CHAF1B: variants seen among roughly 807,000 people sequenced by gnomAD.
CHAF1B encodes chromatin assembly factor 1 subunit B, also known as CAF-1 subunit B.
Under a neutral mutation model 60.7 loss-of-function variants are expected in CHAF1B, and 10 were observed. The ratio of observed to expected loss-of-function variants is 0.16; its 90% CI spans 0.10 to 0.28. The LOEUF (loss-of-function observed/expected upper bound fraction) is 0.28, where lower values mean the gene tolerates loss of function less well. Among genes scored for constraint, CHAF1B ranks in the 10% least tolerant of loss-of-function variants. The pLI is 1.00. For synonymous variants in CHAF1B, 261 were observed against 266.1 expected, an observed-to-expected ratio of 0.98 and a Z score of 0.19; for missense variants, 558 against 708.4, an observed-to-expected ratio of 0.79 and a Z score of 2.41.
At chr21:36,394,435 C>T in intron 4 of CHAF1B, 112 bp from the exon 5 acceptor site, 1 of 714,290 alleles carries the variant, frequency 1.4e-6, no homozygotes, top group South Asian at 1.7e-5. Flanking sequence ...GCCTTGAACT[C>T]CTGACCACAG....
intron 12 of CHAF1B, among the ~76,000 whole-genome samples, chr21:36,413,919 G>T (rs2086298021): frequency 6.6e-6 from 1 of 152,200 alleles, no homozygotes; most frequent in South Asian, 2.1e-4. Flanking sequence ...TGCCCAGGAT[G>T]TAGGCAATTC....
rs372818231 is a variant in CHAF1B, at chr21:36,387,820, CTTT to C, written c.259+103_259+105del. 3,863 of 1,116,970 alleles carry C rather than the reference CTTT, an allele frequency of 3.5e-3. 2 individuals carry two copies. Among genetic ancestry groups the C allele is most frequent in the African/African-American group, 0.012 (703 of 60,288 alleles). The allele number at this position is 1,116,970 out of a possible 1,614,324, so 69.2% of individuals were successfully genotyped here. On this transcript the variant is annotated intron_variant, in intron 3 of 13. Transcript: ENST00000314103. ...GATAGTGAGATTTGAGCTGGATATGCTTTTTTTTTTTTTTTGAGATAGAGTTTC... is the reference window on the plus strand; with the variant it reads ...GATAGTGAGATTTGAGCTGGATATGCTTTTTTTTTTTTGAGATAGAGTTTC...
At chr21:36,410,388 C>T (rs546712986) in intron 10 of CHAF1B, among the ~76,000 whole-genome samples, 1 of 152,208 alleles carries the variant, frequency 6.6e-6, no homozygotes, top group Non-Finnish European at 1.5e-5. Flanking sequence ...ATTCCCTTCT[C>T]TTATTCAAAT....
At chr21:36,408,913 G>A in intron 9 of CHAF1B, 83 bp downstream of exon 9, 1 of 957,612 alleles carries the variant, frequency 1.0e-6, no homozygotes, top group South Asian at 1.4e-5. Flanking sequence ...GGAGTGCAAT[G>A]GTGCGATCTC....
chr21:36,393,101 A>G (rs1212347100), intron 4 of CHAF1B, among the ~76,000 whole-genome samples: 2 of 152,210 alleles, frequency 1.3e-5, no homozygotes, highest in Non-Finnish European at 2.9e-5. Flanking sequence ...AATCCCAGGC[A>G]CTCGGCAGGC....
intron 8 of CHAF1B, among the ~76,000 whole-genome samples, chr21:36,405,416 G>C (rs2086230270): frequency 6.6e-6 from 1 of 151,944 alleles, no homozygotes; most frequent in African/African-American, 2.4e-5. Context: ...AAAATACATA[G>C]AGTAAATTTA....
In CHAF1B at chr21:36,402,807, G is replaced by A. The variant is rs2086202048; in HGVS notation, c.713G>A (p.Arg238His). The A allele has an allele frequency of 6.2e-7, 1 of 1,614,032 alleles. No individual in the cohort carries two copies. The highest frequency in any genetic ancestry group is 8.5e-7 in the Non-Finnish European group (1 of 1,179,956). The change falls in exon 8 of 14, where the codon CGT (arginine) becomes CAT (histidine). Residue 238 changes from arginine (R) to histidine (H), a missense_variant. Arg to His is a conservative substitution (Grantham distance 29). Transcript: ENST00000314103. Reference protein sequence around the residue: ...FHDDSMKSFFRRLSFTPDGSL... With the variant: ...FHDDSMKSFFHRLSFTPDGSL... Reference sequence around the variant, plus strand: ...GACGACAGCATGAAGTCTTTCTTCCGTAGACTGAGTTTCACTCCCGACGGA... The same window carrying A: ...GACGACAGCATGAAGTCTTTCTTCCATAGACTGAGTTTCACTCCCGACGGA...
intron 8 of CHAF1B, among the ~76,000 whole-genome samples, chr21:36,406,831 A>G (rs2086241513): frequency 6.6e-6 from 1 of 152,206 alleles, no homozygotes; most frequent in Non-Finnish European, 1.5e-5. Flanking sequence ...GGACTCTATT[A>G]TTGAATGAGT....
chr21:36,389,800 T>TGTGTGTGTGTGTGTGTGTGTGCGCGC, intron 3 of CHAF1B, among the ~76,000 whole-genome samples: 1 of 124,744 alleles, frequency 8.0e-6, no homozygotes, highest in Non-Finnish European at 1.6e-5. Flanking sequence ...TGTGTGTGTG[T>TGTGTGTGTGTGTGTGTGTGTGCGCGC]GCGCGCGCAC....
intron 6 of CHAF1B, among the ~76,000 whole-genome samples, chr21:36,398,939 T>C (rs1039293118): frequency 6.6e-6 from 1 of 152,224 alleles, no homozygotes; most frequent in Non-Finnish European, 1.5e-5. Context: ...TCTTCTGTTG[T>C]ATTCTAAATG....
At position 36,388,103 on chromosome 21, in the gene CHAF1B, G is replaced by T. The variant is rs375670846; in HGVS notation, c.259+373G>T. On this transcript the variant is annotated intron_variant, in intron 3 of 13. Coordinates refer to ENST00000314103, the MANE Select transcript of CHAF1B (RefSeq NM_005441.3). ...CTCCCAAAGTGTTGGGATTACAGGCGTGAGCCACTGCGCCCGGCCTGGATA... is the reference window on the plus strand; with the variant it reads ...CTCCCAAAGTGTTGGGATTACAGGCTTGAGCCACTGCGCCCGGCCTGGATA... Among the ~76,000 whole-genome samples the T allele has an allele frequency of 7.4e-4, 112 of 152,292 alleles. 1 individual carries two copies. The highest frequency in any genetic ancestry group is 2.6e-3 in the African/African-American group (107 of 41,556).
At chr21:36,391,234 A>G (rs778137838) in intron 3 of CHAF1B, among the ~76,000 whole-genome samples, 4 of 152,080 alleles carry the variant, frequency 2.6e-5, no homozygotes, top group Non-Finnish European at 4.4e-5. Flanking sequence ...TCAGAAGGCA[A>G]TTTGCCTACT....
chr21:36,411,610 T>C lies in CHAF1B; in HGVS notation c.1061+6T>C. 6.2e-7 allele frequency: 1 copy of C among 1,613,874 alleles called. No homozygotes were observed. Among genetic ancestry groups the C allele is most frequent in the South Asian group, 1.1e-5 (1 of 91,058 alleles). On this transcript the variant is annotated splice_donor_region_variant and intron_variant, in intron 11 of 13. Coordinates refer to ENST00000314103, the MANE Select transcript of CHAF1B (RefSeq NM_005441.3). ...ACCCTCAGTGACATTTCATGGTGAGTGGCTGCTAATGAGGGAGAGTGAGTG... is the reference window on the plus strand; with the variant it reads ...ACCCTCAGTGACATTTCATGGTGAGCGGCTGCTAATGAGGGAGAGTGAGTG...
At chr21:36,400,472 A>T (rs557289949) in intron 7 of CHAF1B, among the ~76,000 whole-genome samples, 1 of 152,108 alleles carries the variant, frequency 6.6e-6, no homozygotes, top group African/African-American at 2.4e-5. Flanking sequence ...ACTCAGTCTC[A>T]AAATAAATAA....
intron 6 of CHAF1B, 129 bp downstream of exon 6, chr21:36,397,640 A>C (rs896046953): frequency 5.8e-5 from 26 of 450,422 alleles, no homozygotes; most frequent in African/African-American, 5.0e-4. Flanking sequence ...TCTTGTTTTC[A>C]TACTCATTCT....
In CHAF1B at chr21:36,399,508, G is replaced by A. The variant is rs958204278; in HGVS notation, c.579-13G>A. On this transcript the variant is annotated splice_polypyrimidine_tract_variant and intron_variant, in intron 6 of 13. Transcript: ENST00000314103. ...TTACTAGAAGTGGTAAATCAGACAT[G>A]TTCTTTCTTCAGGGTGCTGCGAGTA... 6.2e-7 allele frequency: 1 copy of A among 1,610,592 alleles called. No individual in the cohort carries two copies. Among genetic ancestry groups the A allele is most frequent in the Non-Finnish European group, 8.5e-7 (1 of 1,177,836 alleles).
intron 8 of CHAF1B, among the ~76,000 whole-genome samples, chr21:36,406,511 T>C (rs2086239269): frequency 1.3e-5 from 2 of 151,914 alleles, no homozygotes; most frequent in Admixed American, 6.6e-5. Context: ...GTCTCAAACT[T>C]CTGATCTCAG....
At chr21:36,403,069 G>GC (rs1202947534) in intron 8 of CHAF1B, among the ~76,000 whole-genome samples, 1 of 152,128 alleles carries the variant, frequency 6.6e-6, no homozygotes, top group African/African-American at 2.4e-5. Flanking sequence ...GGGTGGCCTG[G>GC]CTTTTGGAAT....
chr21:36,414,312 C>T (rs993566714), intron 12 of CHAF1B, among the ~76,000 whole-genome samples: 4 of 152,312 alleles, frequency 2.6e-5, no homozygotes, highest in South Asian at 2.1e-4. Flanking sequence ...TGGACAGAAG[C>T]GCCCTGTGCC....
Sources: allele counts gnomAD v4.1 joint callset (sites outside exome capture counted in the v4.1 genomes callset), GRCh38; gene constraint gnomAD v4.1.1; transcripts MANE v1.5; gene names NCBI Gene and HGNC (gene_info 2026-07-23, HGNC 2026-07-21).